Variants in FCRL4 observed in about 807,000 individuals in gnomAD.
FCRL4 encodes the protein Fc receptor like 4.
A neutral mutation model predicts 64.1 loss-of-function variants in FCRL4; 43 were observed. That is an observed-to-expected ratio of 0.67 (90% CI 0.53 to 0.87). The LOEUF (loss-of-function observed/expected upper bound fraction) is 0.87, where lower values mean the gene tolerates loss of function less well. FCRL4 is among the 40% of genes least tolerant of loss of function. The pLI is 0.00. For missense variants in FCRL4, 656 were observed against 613.5 expected, an observed-to-expected ratio of 1.07 and a Z score of -0.73; for synonymous variants, 253 against 239.8, an observed-to-expected ratio of 1.05 and a Z score of -0.51.
Position 157,586,289 on chromosome 1 carries a change from A to G in FCRL4, c.1014T>C (p.Arg338=). The G allele has an allele frequency of 6.2e-7, 1 of 1,613,610 alleles. No homozygotes were observed. The highest frequency in any genetic ancestry group is 8.5e-7 in the Non-Finnish European group (1 of 1,179,910). The stretch of plus-strand genomic sequence containing the variant: ...GGAGCTCCAGCTCTGCTCTCAGGGA[A>G]CGCTGAGTTTTCCTCCCCAGACTCT... ...MQESLGRKTQ[R]SLRAELELPA... The change falls in exon 6 of 12, where the codon CGT becomes CGC. Residue 338 remains arginine (R), a synonymous_variant. Transcript: ENST00000271532.
chr1:157,581,505 A>G, intron 7 of FCRL4, 26 bp downstream of exon 7: 1 of 1,594,998 alleles, frequency 6.3e-7, no homozygotes, highest in Non-Finnish European at 8.6e-7. Context: ...CAGGGCAGGA[A>G]CTGTGGCAAA....
Position 157,587,996 on chromosome 1 carries a change from G to A in FCRL4, c.431C>T (p.Ser144Phe), listed in dbSNP as rs1571142166. The stretch of plus-strand genomic sequence containing the variant: ...AAGATCCCAGCTTTTATTAGAAATG[G>A]AAAGAATGTTTCCATTCCAAGTATA... ...VKYTWNGNIL[S>F]ISNKSWDLLI... Residue 144 changes from serine (S) to phenylalanine (F), a missense_variant, in exon 4 of 12, where the codon TCC becomes TTC. Coordinates refer to ENST00000271532, the MANE Select transcript of FCRL4 (RefSeq NM_031282.3). 3.1e-6 allele frequency: 5 copies of A among 1,613,164 alleles called. No individual in the cohort carries two copies. Among genetic ancestry groups the A allele is most frequent in the Middle Eastern group, 1.6e-4 (1 of 6,062 alleles).
Position 157,578,794 on chromosome 1 carries a change from C to T in FCRL4, c.1336G>A (p.Glu446Lys), listed in dbSNP as rs1652477987. 1 of 1,614,044 alleles carries T rather than the reference C, an allele frequency of 6.2e-7. No homozygotes were observed. Among genetic ancestry groups the T allele is most frequent in the East Asian group, 2.2e-5 (1 of 44,862 alleles). Residue 446 changes from glutamate (E) to lysine (K), a missense_variant, in exon 9 of 12, where the codon GAG (glutamate) becomes AAG (lysine). By Grantham distance (56) the Glu-to-Lys change is moderately conservative (BLOSUM62 1). Transcript: ENST00000271532. Reference protein sequence around the residue: ...SSHSICPAQVELQSLYVDVHP... With the variant: ...SSHSICPAQVKLQSLYVDVHP... ...CCATCAACATACAACGACTGAAGCT[C>T]CACCTGGGCAGGGCAGATGGAATGG...
At chr1:157,582,306 G>T (rs1320547150) in intron 6 of FCRL4, among the ~76,000 whole-genome samples, 1 of 152,220 alleles carries the variant, frequency 6.6e-6, no homozygotes, top group African/African-American at 2.4e-5. Context: ...TACTGAGGCT[G>T]CCCTGTGCTG....
chr1:157,575,961 A>G (rs1652402560), intron 10 of FCRL4, among the ~76,000 whole-genome samples: 4 of 152,170 alleles, frequency 2.6e-5, no homozygotes, highest in Admixed American at 2.6e-4. Context: ...TCCTCCATCA[A>G]TACCACACTA....
rs148814087 is a variant in FCRL4, at chr1:157,589,248, C to G, written c.263G>C (p.Arg88Pro). 6.2e-7 allele frequency: 1 copy of G among 1,614,034 alleles called. No individual in the cohort carries two copies. The highest frequency in any genetic ancestry group is 8.5e-7 in the Non-Finnish European group (1 of 1,180,022). ...CACAGGGTTACTTCGTGGGGAGCCC[C>G]GGGCCTGGCATCTGTACAGTCCAGA... The part of the protein sequence containing the change: ...RESGLYRCQA[R>P]GSPRSNPVRL... The change falls in exon 3 of 12, where the codon CGG (arginine) becomes CCG (proline). Residue 88 changes from arginine (R) to proline (P), a missense_variant. By Grantham distance (103) the Arg-to-Pro change is moderately radical. Coordinates refer to ENST00000271532, the MANE Select transcript of FCRL4 (RefSeq NM_031282.3).
chr1:157,580,950 C>T (rs1197886664), intron 7 of FCRL4, among the ~76,000 whole-genome samples: 3 of 152,320 alleles, frequency 2.0e-5, no homozygotes, highest in Middle Eastern at 3.4e-3. Context: ...TTTGGAAGCA[C>T]GCAGCAAACA....
At chr1:157,580,875 C>T (rs150470629) in intron 7 of FCRL4, among the ~76,000 whole-genome samples, 2 of 152,206 alleles carry the variant, frequency 1.3e-5, no homozygotes, top group Non-Finnish European at 2.9e-5. Flanking sequence ...AGGTTCTGCT[C>T]CTGTCTTCTA....
chr1:157,578,597 A>T, intron 9 of FCRL4, 55 bp from the exon 10 acceptor site: 2 of 1,475,958 alleles, frequency 1.4e-6, no homozygotes, highest in Non-Finnish European at 1.9e-6. Context: ...AGTGCTACAG[A>T]TGCCTCTTCC....
chr1:157,598,021 G>T lies in FCRL4; in HGVS notation c.-77C>A. On this transcript the variant is annotated 5_prime_UTR_variant, in exon 1 of 12. Coordinates refer to ENST00000271532, the MANE Select transcript of FCRL4 (RefSeq NM_031282.3). ...AGCCCAGATTGCCAAAGCAGCACTT[G>T]CCTACACCAGCACCAGCAGTGAGCT... The T allele has an allele frequency of 2.9e-6, 3 of 1,027,850 alleles. No individual in the cohort carries two copies. The highest frequency in any genetic ancestry group is 1.8e-5 in the Admixed American group (1 of 55,922). 63.7% of individuals were successfully genotyped at this position (1,027,850 alleles called of 1,614,324 possible). A position where few individuals can be genotyped will look rare whatever the true frequency, so the allele number is the denominator to read the frequency against.
At chr1:157,581,456 C>T in intron 7 of FCRL4, 75 bp downstream of exon 7, 4 of 1,225,938 alleles carry the variant, frequency 3.3e-6, no homozygotes, top group Non-Finnish European at 3.6e-6. Context: ...GGCCTGGTGG[C>T]CACTAAGGCT....
At chr1:157,585,601 G>T (rs1186831702) in intron 6 of FCRL4, among the ~76,000 whole-genome samples, 1 of 152,004 alleles carries the variant, frequency 6.6e-6, no homozygotes, top group African/African-American at 2.4e-5. Context: ...CCAAAGTAAG[G>T]CTTCTCTCCT....
intron 10 of FCRL4, among the ~76,000 whole-genome samples, chr1:157,576,263 A>C (rs992184929): frequency 4.6e-5 from 7 of 152,208 alleles, no homozygotes; most frequent in African/African-American, 1.7e-4. Flanking sequence ...AGAGTCTCAG[A>C]GTAAAAGGTA....
chr1:157,578,852 C>G lies in FCRL4; in HGVS notation c.1278G>C (p.Arg426Ser). 6.2e-7 allele frequency: 1 copy of G among 1,610,634 alleles called. No individual in the cohort carries two copies. Among genetic ancestry groups the G allele is most frequent in the Non-Finnish European group, 8.5e-7 (1 of 1,178,362 alleles). ...SGVGFLGDET[R>S]LPPAPGPGES... ...CTCCTGGGCCTGGAGCGGGAGGGAG[C>G]CTGTGAGACACAGAAACACATAATA... Residue 426 changes from arginine (R) to serine (S), a missense_variant and splice_region_variant, in exon 9 of 12, where the codon AGG becomes AGC. Transcript: ENST00000271532.
In FCRL4 at chr1:157,597,923, G is replaced by T. The variant is rs774638615; in HGVS notation, c.22C>A (p.Leu8Met). Residue 8 changes from leucine (L) to methionine (M), a missense_variant, in exon 1 of 12, where the codon CTG (leucine) becomes ATG (methionine). Physicochemically the swap from Leu to Met is conservative, Grantham distance 15. Coordinates refer to ENST00000271532, the MANE Select transcript of FCRL4 (RefSeq NM_031282.3). MLLWASL[L>M]AFAPVCGQSA... is the part of the protein sequence containing the mutation. ...CCTCCCCATCACTTACCAAAGGCCA[G>T]CAAGGACGCCCACAGCAGCATGGAA... The T allele has an allele frequency of 6.2e-7, 1 of 1,613,358 alleles. No homozygotes were observed. The highest frequency in any genetic ancestry group is 1.1e-5 in the South Asian group (1 of 90,972).
At chr1:157,590,770 G>T (rs989546213) in intron 2 of FCRL4, among the ~76,000 whole-genome samples, 9 of 152,040 alleles carry the variant, frequency 5.9e-5, no homozygotes, top group African/African-American at 2.2e-4. Context: ...ACCTGCTTCA[G>T]CCTCCCAAAG....
chr1:157,578,392 C>T, intron 10 of FCRL4, 82 bp downstream of exon 10: 3 of 1,142,242 alleles, frequency 2.6e-6, no homozygotes, highest in Non-Finnish European at 4.0e-6. Flanking sequence ...ACAAGAATAC[C>T]TAGCACATAG....
At chr1:157,575,796 C>T (rs1287537446) in intron 10 of FCRL4, 66 bp from the exon 11 acceptor site, 5 of 1,523,442 alleles carry the variant, frequency 3.3e-6, no homozygotes, top group South Asian at 1.1e-5. Flanking sequence ...AGTCTGTTAG[C>T]TGATGCCCTA....
intron 2 of FCRL4, 134 bp from the exon 3 acceptor site, chr1:157,589,592 G>T: frequency 8.7e-7 from 1 of 1,150,262 alleles, no homozygotes; most frequent in African/African-American, 1.5e-5. Context: ...GTTTACCCAG[G>T]TTGCAGGTGA....
Sources: gnomAD v4.1 joint callset for allele counts (sites outside exome capture counted in the v4.1 genomes callset) on GRCh38, gnomAD v4.1.1 for gene constraint, MANE v1.5 for transcripts, NCBI Gene and HGNC (gene_info 2026-07-23, HGNC 2026-07-21) for gene names.